ARPP21: variants seen among roughly 807,000 people sequenced by gnomAD.
ARPP21 encodes the protein cAMP regulated phosphoprotein 21, also known as cAMP-regulated phosphoprotein 21.
A neutral mutation model predicts 113.2 loss-of-function variants in ARPP21; 69 were observed. The observed-to-expected ratio is 0.61, with a 90% CI of 0.50 to 0.74. The LOEUF is 0.74. Among genes scored for constraint, ARPP21 ranks in the 30% least tolerant of loss-of-function variants. ARPP21 has a pLI of 0.00. For synonymous variants in ARPP21, 368 were observed against 375.5 expected, an observed-to-expected ratio of 0.98 and a Z score of 0.23; for missense variants, 1,070 against 1,037.4, an observed-to-expected ratio of 1.03 and a Z score of -0.43.
chr3:35,775,456 G>A (rs1160363914), intron 19 of ARPP21, among the ~76,000 whole-genome samples: 1 of 152,096 alleles, frequency 6.6e-6, no homozygotes, highest in East Asian at 1.9e-4. Flanking sequence ...GTGTGAATGT[G>A]AGTGTATATA....
At chr3:35,709,156 G>A in intron 11 of ARPP21, 86 bp downstream of exon 11, 3 of 870,610 alleles carry the variant, frequency 3.4e-6, no homozygotes, top group South Asian at 1.6e-5. Flanking sequence ...GAGGTGGCAG[G>A]GAATAAAAAG....
rs573521786 is a variant in ARPP21 at position 35,743,533 on chromosome 3, G to T, written c.2011-306G>T. 8.1e-4 allele frequency among the ~76,000 whole-genome samples: 124 copies of T among 152,262 alleles called. 1 individual carries two copies. Among genetic ancestry groups the T allele is most frequent in the South Asian group, 8.3e-4 (4 of 4,818 alleles). ...CTAGACTTCTTTATCTCTTGGCTGG[G>T]TTCCCCGCCTACAGACGTGGAAGCT... is the stretch of plus-strand genomic sequence containing the variant. On this transcript the variant is annotated intron_variant, in intron 18 of 20. Coordinates refer to ENST00000684406, the MANE Select transcript of ARPP21 (RefSeq NM_001385562.1).
intron 1 of ARPP21, among the ~76,000 whole-genome samples, chr3:35,655,569 T>C (rs1025328539): frequency 6.6e-6 from 1 of 152,028 alleles, no homozygotes; most frequent in Non-Finnish European, 1.5e-5. Flanking sequence ...CTTTAGATTT[T>C]GATTTCATAG....
chr3:35,721,552 A>T, intron 13 of ARPP21, 53 bp from the exon 14 acceptor site: 1 of 1,023,878 alleles, frequency 9.8e-7, no homozygotes, highest in Non-Finnish European at 1.5e-6. Context: ...TACCAACACC[A>T]TGCATGTAAG....
chr3:35,690,224 A>G, intron 8 of ARPP21, 84 bp downstream of exon 8: 1 of 756,746 alleles, frequency 1.3e-6, no homozygotes, highest in South Asian at 1.5e-5. Flanking sequence ...GGAAAGACTT[A>G]GGGATAGACA....
intron 1 of ARPP21, among the ~76,000 whole-genome samples, chr3:35,665,743 A>C (rs527867290): frequency 6.6e-6 from 1 of 152,300 alleles, no homozygotes; most frequent in South Asian, 2.1e-4. Context: ...AATGAACCCT[A>C]TTCCATTTTG....
At chr3:35,645,186 T>C (rs1699743429) in intron 1 of ARPP21, among the ~76,000 whole-genome samples, 1 of 151,820 alleles carries the variant, frequency 6.6e-6, no homozygotes, top group South Asian at 2.1e-4. Context: ...CTAATAATTA[T>C]CCCCTCTAAA....
chr3:35,758,384 C>T (rs1204526581), intron 19 of ARPP21, among the ~76,000 whole-genome samples: 1 of 152,030 alleles, frequency 6.6e-6, no homozygotes, highest in Non-Finnish European at 1.5e-5. Context: ...CTGCTTCTCT[C>T]CCCAAACAAG....
chr3:35,739,547 G>A lies in ARPP21; in HGVS notation c.1980G>A (p.Gln660=). 1 of 1,613,704 alleles carries A rather than the reference G, an allele frequency of 6.2e-7. No homozygotes were observed. Among genetic ancestry groups the A allele is most frequent in the East Asian group, 2.2e-5 (1 of 44,872 alleles). ...TCCTCCAGCCCCCTCCCTCACCACA[G>A]GGATTTGTGCAACAGCCTCCGCCTG... The part of the protein sequence containing the change: ...QQVLQPPPSP[Q]GFVQQPPPAQ... Residue 660 remains glutamine (Q), a synonymous_variant, in exon 18 of 21, where the codon CAG becomes CAA. Transcript: ENST00000684406.
At chr3:35,700,295 G>C (rs919049687) in intron 9 of ARPP21, among the ~76,000 whole-genome samples, 1 of 151,750 alleles carries the variant, frequency 6.6e-6, no homozygotes, top group Admixed American at 6.6e-5. Flanking sequence ...TTGCTTCTCA[G>C]TGTTATGTCT....
At chr3:35,714,607 C>T (rs1047510714) in intron 11 of ARPP21, among the ~76,000 whole-genome samples, 2 of 152,128 alleles carry the variant, frequency 1.3e-5, no homozygotes, top group African/African-American at 4.8e-5. Flanking sequence ...AATACAGTCA[C>T]CCTATTATAG....
chr3:35,680,174 AAAC>A (rs2078491486), intron 2 of ARPP21, among the ~76,000 whole-genome samples: 2 of 152,004 alleles, frequency 1.3e-5, no homozygotes, highest in South Asian at 4.1e-4. Flanking sequence ...ATACTCTAAA[AAAC>A]AAGTTAGGGC....
chr3:35,721,521 A>G (rs1156634962), intron 13 of ARPP21, 84 bp from the exon 14 acceptor site: 1 of 777,470 alleles, frequency 1.3e-6, no homozygotes, highest in Non-Finnish European at 2.2e-6. Context: ...TCACCTTCCA[A>G]GAAAAGCCTT....
intron 1 of ARPP21, among the ~76,000 whole-genome samples, chr3:35,649,972 A>T (rs1701758032): frequency 1.3e-5 from 2 of 152,152 alleles, no homozygotes; most frequent in South Asian, 4.1e-4. Flanking sequence ...TGCTAAGTGT[A>T]ATGTTGATGG....
chr3:35,683,269 A>G (rs918793325), intron 4 of ARPP21, among the ~76,000 whole-genome samples: 1 of 151,738 alleles, frequency 6.6e-6, no homozygotes, highest in African/African-American at 2.4e-5. Flanking sequence ...AATAAAATTT[A>G]GAGTAGAAAT....
At chr3:35,753,041 AGTGTGT>A (rs3086930) in intron 19 of ARPP21, among the ~76,000 whole-genome samples, 1,915 of 144,054 alleles carry the variant, frequency 0.013, 16 homozygotes, top group African/African-American at 0.027. Flanking sequence ...TATGGCAGGA[AGTGTGT>A]GTGTGTGTGT....
At chr3:35,673,525 A>G (rs2076830575) in intron 1 of ARPP21, among the ~76,000 whole-genome samples, 1 of 152,026 alleles carries the variant, frequency 6.6e-6, no homozygotes, top group South Asian at 2.1e-4. Context: ...AAGGCATGAA[A>G]TAGTCATTTA....
intron 1 of ARPP21, among the ~76,000 whole-genome samples, chr3:35,667,090 T>G (rs576030703): frequency 6.6e-6 from 1 of 152,184 alleles, no homozygotes. Context: ...ATGCTTAATG[T>G]ATCTATGACT....
intron 17 of ARPP21, among the ~76,000 whole-genome samples, chr3:35,739,056 T>C (rs2094516092): frequency 6.6e-6 from 1 of 152,194 alleles, no homozygotes; most frequent in African/African-American, 2.4e-5. Flanking sequence ...AGTGGAAAAA[T>C]AATTTGTTTC....
Sources: gnomAD v4.1 joint callset for allele counts (sites outside exome capture counted in the v4.1 genomes callset) on GRCh38, gnomAD v4.1.1 for gene constraint, MANE v1.5 for transcripts, NCBI Gene and HGNC (gene_info 2026-07-23, HGNC 2026-07-21) for gene names.